The following MAPKAP1 variants were observed in gnomAD, a reference collection of about 807,000 sequenced individuals.
MAPKAP1 encodes MAPK associated protein 1.
A neutral mutation model predicts 65.7 loss-of-function variants in MAPKAP1; 20 were observed. That is an observed-to-expected ratio of 0.30 (90% CI 0.21 to 0.44). The LOEUF (loss-of-function observed/expected upper bound fraction) is 0.44. Ranked by LOEUF, MAPKAP1 falls within the 20% of genes least tolerant of loss-of-function variation. MAPKAP1 has a pLI of 1.00. For missense variants in MAPKAP1, 423 were observed against 648.0 expected, an observed-to-expected ratio of 0.65 and a Z score of 3.77; for synonymous variants, 222 against 244.3, an observed-to-expected ratio of 0.91 and a Z score of 0.85.
intron 11 of MAPKAP1, among the ~76,000 whole-genome samples, chr9:125,440,712 C>CTT (rs1374226564): frequency 3.3e-5 from 5 of 152,206 alleles, no homozygotes; most frequent in African/African-American, 1.2e-4. Flanking sequence ...TACAGAAGGC[C>CTT]TGACACGCTC....
chr9:125,531,432 T>C (rs1174410783), intron 7 of MAPKAP1, among the ~76,000 whole-genome samples: 1 of 152,238 alleles, frequency 6.6e-6, no homozygotes, highest in Non-Finnish European at 1.5e-5. Context: ...CCTGGCCAAG[T>C]GTGAGTATTA....
chr9:125,525,011 T>C (rs899544972), intron 7 of MAPKAP1, among the ~76,000 whole-genome samples: 4 of 152,364 alleles, frequency 2.6e-5, no homozygotes, highest in East Asian at 1.9e-4. Flanking sequence ...AATGAGCAGC[T>C]GCGCAGACAG....
chr9:125,535,032 G>T (rs1456375102), intron 7 of MAPKAP1, among the ~76,000 whole-genome samples: 1 of 152,194 alleles, frequency 6.6e-6, no homozygotes, highest in Non-Finnish European at 1.5e-5. Flanking sequence ...CACAGTGCCT[G>T]TTACAAAACA....
chr9:125,585,208 T>C (rs753568199), intron 5 of MAPKAP1, among the ~76,000 whole-genome samples: 8 of 152,138 alleles, frequency 5.3e-5, no homozygotes, highest in Non-Finnish European at 1.0e-4. Flanking sequence ...AGATTCCAGA[T>C]ACCAGCTACA....
intron 1 of MAPKAP1, among the ~76,000 whole-genome samples, chr9:125,704,230 A>AC (rs1835692056): frequency 6.6e-6 from 1 of 152,202 alleles, no homozygotes; most frequent in Non-Finnish European, 1.5e-5. Flanking sequence ...TTACAGCTCT[A>AC]CCAGCAGCAT....
chr9:125,461,187 C>T (rs945244127), intron 10 of MAPKAP1, among the ~76,000 whole-genome samples: 3 of 152,194 alleles, frequency 2.0e-5, no homozygotes, highest in East Asian at 1.9e-4. Context: ...CATTAGATGA[C>T]GCAAGCTGGC....
At chr9:125,554,524 AGCGG>A (rs1418403168) in intron 6 of MAPKAP1, among the ~76,000 whole-genome samples, 1,658 of 152,244 alleles carry the variant, frequency 0.011, 36 homozygotes, top group African/African-American at 0.037. Flanking sequence ...CTAGGTTAGG[AGCGG>A]TGGCTCATGC....
intron 8 of MAPKAP1, among the ~76,000 whole-genome samples, chr9:125,491,126 C>A (rs1442253768): frequency 2.4e-5 from 3 of 125,618 alleles, no homozygotes; most frequent in Non-Finnish European, 4.8e-5. Flanking sequence ...GGCGACAGAG[C>A]AAGACTCCGT....
intron 3 of MAPKAP1, among the ~76,000 whole-genome samples, chr9:125,667,437 C>T (rs891816620): frequency 7.2e-5 from 11 of 152,228 alleles, no homozygotes; most frequent in African/African-American, 2.4e-4. Context: ...CTCATGCCTC[C>T]GCCTCCTGAG....
intron 7 of MAPKAP1, among the ~76,000 whole-genome samples, chr9:125,516,829 A>C (rs752380929): frequency 8.5e-5 from 13 of 152,224 alleles, no homozygotes; most frequent in Non-Finnish European, 1.8e-4. Context: ...ATAAGTACTT[A>C]ATAAATGTCA....
chr9:125,704,343 C>T (rs529629580), intron 1 of MAPKAP1, among the ~76,000 whole-genome samples: 1 of 152,298 alleles, frequency 6.6e-6, no homozygotes, highest in South Asian at 2.1e-4. Context: ...TGAGATAAAG[C>T]ATTTAACATC....
intron 7 of MAPKAP1, among the ~76,000 whole-genome samples, chr9:125,528,008 G>C (rs1829822478): frequency 6.6e-6 from 1 of 152,226 alleles, no homozygotes; most frequent in Non-Finnish European, 1.5e-5. Flanking sequence ...ACGAGCTGTG[G>C]ACTGGTTTTC....
In MAPKAP1 at chr9:125,452,057, G is replaced by A. The variant is rs756961212; in HGVS notation, c.1346-7459C>T. Among the ~76,000 whole-genome samples the A allele has an allele frequency of 5.3e-5, 8 of 151,892 alleles. 1 individual carries two copies. Among genetic ancestry groups the A allele is most frequent in the Admixed American group, 6.6e-5 (1 of 15,256 alleles). On this transcript the variant is annotated intron_variant, in intron 10 of 11. Transcript: ENST00000265960. ...ACTCCTGACCTTGGGTGATCTGCCCGCCTTGGCCTCCTGAAGTGCTGGGAT... is the reference window on the plus strand; with the variant it reads ...ACTCCTGACCTTGGGTGATCTGCCCACCTTGGCCTCCTGAAGTGCTGGGAT...
chr9:125,563,411 C>T (rs1048449938), intron 5 of MAPKAP1, among the ~76,000 whole-genome samples: 3 of 152,096 alleles, frequency 2.0e-5, no homozygotes, highest in East Asian at 3.9e-4. Flanking sequence ...ATTTTCTTAT[C>T]GGAAAAACAG....
intron 1 of MAPKAP1, among the ~76,000 whole-genome samples, chr9:125,698,119 T>C (rs1354503944): frequency 6.6e-6 from 1 of 151,202 alleles, no homozygotes; most frequent in Admixed American, 6.6e-5. Flanking sequence ...GGTCAAGTCC[T>C]AGTTTTGCTA....
chr9:125,624,478 G>A, intron 4 of MAPKAP1, among the ~76,000 whole-genome samples: 1 of 107,862 alleles, frequency 9.3e-6, no homozygotes, highest in Admixed American at 8.6e-5. Context: ...CGTCCGGGAG[G>A]TAAGGGGCGC....
intron 4 of MAPKAP1, among the ~76,000 whole-genome samples, chr9:125,588,465 A>T (rs1241070183): frequency 6.6e-6 from 1 of 152,232 alleles, no homozygotes; most frequent in Non-Finnish European, 1.5e-5. Flanking sequence ...AATTGGCAGT[A>T]ACAGTTCATA....
chr9:125,442,092 AC>A (rs1386286027), intron 11 of MAPKAP1, among the ~76,000 whole-genome samples: 1 of 139,600 alleles, frequency 7.2e-6, no homozygotes, highest in East Asian at 2.2e-4. Flanking sequence ...TCACACGACT[AC>A]ACCCCAGCCT....
chr9:125,632,676 C>T (rs1833321173), intron 4 of MAPKAP1, among the ~76,000 whole-genome samples: 1 of 152,186 alleles, frequency 6.6e-6, no homozygotes, highest in South Asian at 2.1e-4. Flanking sequence ...AGCCTTCTGC[C>T]TTCCACAAGT....
Sources: allele counts gnomAD v4.1 joint callset (sites outside exome capture counted in the v4.1 genomes callset), GRCh38; gene constraint gnomAD v4.1.1; transcripts MANE v1.5; gene names NCBI Gene and HGNC (gene_info 2026-07-23, HGNC 2026-07-21).